Variants in TMSB15B observed in about 807,000 individuals in gnomAD.
The protein encoded by TMSB15B is thymosin beta 15B, also known as thymosin beta-15B.
chrX:103,932,934 A>G (rs2074988238), intron 1 of TMSB15B: 1 of 111,924 alleles, frequency 8.9e-6, no homozygotes, highest in South Asian at 3.7e-4. Flanking sequence ...GAAAAAGAAT[A>G]AAAAGCCATC....
chrX:103,923,348 A>G (rs2074959174), intron 1 of TMSB15B, among the ~76,000 whole-genome samples: 1 of 112,213 alleles, frequency 8.9e-6, no homozygotes, highest in African/African-American at 3.2e-5. Context: ...CTAAAATTTA[A>G]GTCTTTAATC....
intron 1 of TMSB15B, among the ~76,000 whole-genome samples, chrX:103,946,338 A>C (rs781786190): frequency 3.3e-4 from 37 of 112,280 alleles, no homozygotes; most frequent in Admixed American, 7.5e-4. Context: ...TTTCTCACTG[A>C]AAACATGGTC....
chrX:103,923,689 C>G (rs2074960418), intron 1 of TMSB15B, among the ~76,000 whole-genome samples: 1 of 111,528 alleles, frequency 9.0e-6, no homozygotes, highest in Non-Finnish European at 1.9e-5. Flanking sequence ...AATGCGGGCT[C>G]TTTTTTGGTT....
intron 1 of TMSB15B, among the ~76,000 whole-genome samples, chrX:103,921,036 A>T (rs782077670): frequency 7.0e-4 from 79 of 112,538 alleles, no homozygotes; most frequent in African/African-American, 2.5e-3. Context: ...AACAGTCTGA[A>T]GCCCTTCCAC....
chrX:103,939,158 CT>C (rs2075006171), intron 1 of TMSB15B, among the ~76,000 whole-genome samples: 1 of 111,075 alleles, frequency 9.0e-6, no homozygotes, highest in Admixed American at 9.6e-5. Flanking sequence ...CGAGGAGTAT[CT>C]TTGTGGTGTT....
intron 1 of TMSB15B, among the ~76,000 whole-genome samples, chrX:103,953,291 G>A (rs558509007): frequency 3.1e-4 from 35 of 111,794 alleles, no homozygotes; most frequent in African/African-American, 5.2e-4. Flanking sequence ...GCAGGAGAGC[G>A]GACATGCATG....
At chrX:103,938,194 C>G (rs782698831) in intron 1 of TMSB15B, among the ~76,000 whole-genome samples, 1 of 111,591 alleles carries the variant, frequency 9.0e-6, no homozygotes, top group Non-Finnish European at 1.9e-5. Flanking sequence ...AGGTCCAGAA[C>G]TGAGTTCAAG....
chrX:103,922,480 G>C (rs1437043848), intron 1 of TMSB15B, among the ~76,000 whole-genome samples: 11 of 108,461 alleles, frequency 1.0e-4, no homozygotes, highest in Non-Finnish European at 1.7e-4. Flanking sequence ...CCTTGCGACA[G>C]TTTGCTCAGA....
rs1216403753 is a variant in TMSB15B at position 103,941,434 on chromosome X, G to A, written c.-720-20587G>A. Among the ~76,000 whole-genome samples, 4 of 111,331 alleles carry A rather than the reference G, an allele frequency of 3.6e-5. No homozygotes were observed. The Admixed American group carries it at 3.8e-4, about 11-fold the overall frequency. On this transcript the variant is annotated intron_variant, in intron 1 of 3. Transcript: ENST00000419165. ...TAGTTTTTTGAAGAACACCCATACCGTTTTCCATAATGTCTGTACCAACTT... is the reference window on the plus strand; with the variant it reads ...TAGTTTTTTGAAGAACACCCATACCATTTTCCATAATGTCTGTACCAACTT...
At chrX:103,955,635 T>A (rs1390691387) in intron 1 of TMSB15B, among the ~76,000 whole-genome samples, 6 of 110,025 alleles carry the variant, frequency 5.5e-5, no homozygotes, top group Non-Finnish European at 7.6e-5. Flanking sequence ...CCAAGAAATA[T>A]GGGATTATGT....
chrX:103,941,824 C>T (rs782501550), intron 1 of TMSB15B, among the ~76,000 whole-genome samples: 121 of 112,044 alleles, frequency 1.1e-3, no homozygotes, highest in Middle Eastern at 4.6e-3. Context: ...TTTTGCCTAT[C>T]TAATGGGTGT....
intron 1 of TMSB15B, chrX:103,928,331 G>A (rs1169709851): frequency 7.5e-6 from 9 of 1,207,676 alleles, no homozygotes; most frequent in Non-Finnish European, 7.8e-6. Flanking sequence ...TACTTCTACC[G>A]GGGAATCTAC....
chrX:103,951,687 C>T (rs1206207157), intron 1 of TMSB15B, among the ~76,000 whole-genome samples: 1 of 110,792 alleles, frequency 9.0e-6, no homozygotes, highest in Non-Finnish European at 1.9e-5. Context: ...ACACAAAGTG[C>T]GAGAGGGGCA....
intron 1 of TMSB15B, among the ~76,000 whole-genome samples, chrX:103,927,230 T>C (rs1556318982): frequency 9.9e-5 from 11 of 111,441 alleles, no homozygotes. Context: ...CAAGATATTT[T>C]TGGGTCATCA....
chrX:103,935,092 C>T (rs1272393885), intron 1 of TMSB15B, among the ~76,000 whole-genome samples: 5 of 112,325 alleles, frequency 4.5e-5, no homozygotes, highest in Non-Finnish European at 7.5e-5. Flanking sequence ...TAATGACCAA[C>T]GATGATGAGC....
At chrX:103,923,888 C>G (rs5987603) in intron 1 of TMSB15B, among the ~76,000 whole-genome samples, 34,313 of 109,794 alleles carry the variant, frequency 0.31, 4,823 homozygotes, top group Middle Eastern at 0.52. Context: ...TTGAGCAGTG[C>G]TTTGTAATTC....
intron 1 of TMSB15B, among the ~76,000 whole-genome samples, chrX:103,934,879 T>G (rs1168014954): frequency 8.9e-5 from 10 of 111,996 alleles, no homozygotes; most frequent in Non-Finnish European, 1.9e-5. Context: ...CTGAGTCAAA[T>G]GGTATTTCTA....
chrX:103,939,865 G>T (rs1556323515), intron 1 of TMSB15B, among the ~76,000 whole-genome samples: 1 of 112,044 alleles, frequency 8.9e-6, no homozygotes, highest in African/African-American at 3.3e-5. Flanking sequence ...TTTTGTTGCT[G>T]TTGATGGTAT....
At chrX:103,955,864 TG>T (rs1260826314) in intron 1 of TMSB15B, among the ~76,000 whole-genome samples, 18 of 110,824 alleles carry the variant, frequency 1.6e-4, no homozygotes, top group African/African-American at 5.9e-4. Context: ...ATAGTCAAAA[TG>T]AAAGAAAAAA....
Sources: gnomAD v4.1 joint callset for allele counts (sites outside exome capture counted in the v4.1 genomes callset) on GRCh38, gnomAD v4.1.1 for gene constraint, MANE v1.5 for transcripts, NCBI Gene and HGNC (gene_info 2026-07-23, HGNC 2026-07-21) for gene names.